MDGA2: variants seen among roughly 807,000 people sequenced by gnomAD.
MDGA2 encodes MAM domain containing glycosylphosphatidylinositol anchor 2, also known as MAM domain-containing glycosylphosphatidylinositol anchor protein 2.
Under a neutral mutation model 117.8 loss-of-function variants are expected in MDGA2, and 40 were observed. The ratio of observed to expected loss-of-function variants is 0.34; its 90% CI spans 0.26 to 0.44. MDGA2 has a LOEUF of 0.44. Ranked by LOEUF, MDGA2 falls within the 20% of genes least tolerant of loss-of-function variation. The probability of loss-of-function intolerance (pLI) is 1.00; values close to 1 mark genes in which losing one functional copy is unlikely to be tolerated. For missense variants in MDGA2, 1,123 were observed against 1,250.6 expected (o/e 0.90, Z 1.54); for synonymous variants, 452 against 439.0 (o/e 1.03, Z -0.37).
chr14:47,173,927 G>A (rs1884308003), intron 3 of MDGA2, among the ~76,000 whole-genome samples: 1 of 152,074 alleles, frequency 6.6e-6, no homozygotes, highest in African/African-American at 2.4e-5. Context: ...GACACACATA[G>A]GCTCAAAATA....
intron 1 of MDGA2, among the ~76,000 whole-genome samples, chr14:47,327,297 A>AGAC (rs1211783580): frequency 1.3e-5 from 2 of 152,222 alleles, no homozygotes; most frequent in African/African-American, 4.8e-5. Flanking sequence ...AAAGCCAGGT[A>AGAC]GACAGGGTTA....
chr14:47,279,661 A>ATTTT (rs1566717131), intron 2 of MDGA2, among the ~76,000 whole-genome samples: 23 of 151,742 alleles, frequency 1.5e-4, no homozygotes, highest in Non-Finnish European at 2.4e-4. Flanking sequence ...TTTTTTTTAA[A>ATTTT]AAAAAATCAT....
At chr14:47,197,481 C>A (rs10139891) in intron 3 of MDGA2, among the ~76,000 whole-genome samples, 36,716 of 151,800 alleles carry the variant, frequency 0.24, 5,321 homozygotes, top group African/African-American at 0.4. Flanking sequence ...CAGAACTGCA[C>A]GAAATAAATG....
At chr14:47,230,059 T>G (rs1886638468) in intron 2 of MDGA2, among the ~76,000 whole-genome samples, 1 of 152,006 alleles carries the variant, frequency 6.6e-6, no homozygotes, top group Admixed American at 6.6e-5. Context: ...ACCATTATTC[T>G]CAATCTTGTT....
intron 1 of MDGA2, among the ~76,000 whole-genome samples, chr14:47,627,742 A>G (rs981866982): frequency 1.3e-5 from 2 of 152,058 alleles, no homozygotes; most frequent in Admixed American, 1.3e-4. Context: ...GTCCCCTTCC[A>G]CATTGTGGAA....
chr14:47,547,877 G>A lies in MDGA2; in HGVS notation c.280+126640C>T, dbSNP rs187858634. Among the ~76,000 whole-genome samples the A allele has an allele frequency of 4.5e-3, 682 of 152,148 alleles. 2 individuals are homozygous for A. Among genetic ancestry groups the A allele is most frequent in the African/African-American group, 0.015 (643 of 41,502 alleles). On this transcript the variant is annotated intron_variant, in intron 1 of 16. Transcript: ENST00000399232. ...AGATGTGGTTGTTATTATTAAATAC[G>A]ATTAATCTAAAATCTTAACCATCTA...
At chr14:46,959,171 T>C (rs1175447537) in intron 8 of MDGA2, among the ~76,000 whole-genome samples, 1 of 152,068 alleles carries the variant, frequency 6.6e-6, no homozygotes, top group Non-Finnish European at 1.5e-5. Context: ...TATATGAATT[T>C]AGAATTGTTT....
chr14:46,992,121 C>T (rs1887114707), intron 8 of MDGA2, among the ~76,000 whole-genome samples: 1 of 152,088 alleles, frequency 6.6e-6, no homozygotes. Context: ...AGTTGAGGTA[C>T]ACAACACGAC....
At chr14:47,296,085 T>C (rs1889063230) in intron 2 of MDGA2, among the ~76,000 whole-genome samples, 1 of 152,080 alleles carries the variant, frequency 6.6e-6, no homozygotes, top group Non-Finnish European at 1.5e-5. Context: ...TTTGAAGCTG[T>C]GCAGTGGAAT....
intron 9 of MDGA2, among the ~76,000 whole-genome samples, chr14:46,921,820 C>A (rs1246817327): frequency 6.6e-6 from 1 of 152,104 alleles, no homozygotes; most frequent in Non-Finnish European, 1.5e-5. Flanking sequence ...CCAATACCTA[C>A]AAATTTACTA....
At chr14:47,521,174 T>G (rs1434956135) in intron 1 of MDGA2, among the ~76,000 whole-genome samples, 1 of 152,186 alleles carries the variant, frequency 6.6e-6, no homozygotes, top group Non-Finnish European at 1.5e-5. Context: ...TTCCAGAGCA[T>G]CTTAGTCATT....
At chr14:47,405,938 C>T (rs1338264583) in intron 1 of MDGA2, among the ~76,000 whole-genome samples, 1 of 152,054 alleles carries the variant, frequency 6.6e-6, no homozygotes, top group Non-Finnish European at 1.5e-5. Context: ...AATTGAAAAC[C>T]TTAAGGATTA....
intron 4 of MDGA2, among the ~76,000 whole-genome samples, chr14:47,133,130 C>CA (rs1201398229): frequency 1.1e-3 from 158 of 147,224 alleles, no homozygotes; most frequent in Non-Finnish European, 1.9e-3. Context: ...AACAAACAAA[C>CA]AAAAAAAAAC....
chr14:47,061,316 A>C lies in MDGA2; in HGVS notation c.1458T>G (p.Cys486Trp). Residue 486 changes from cysteine (C) to tryptophan (W), a missense_variant, in exon 7 of 17, where the codon TGT becomes TGG. Around this residue, in one of 2 missense-constraint regions of MDGA2, gnomAD observed 890 missense variants for 1,050.3 expected, o/e 0.85. Transcript: ENST00000399232. ...TTCCTCCTCCCTTCAGAGATGCTAC[A>C]CATGTGTACGTCCCAAAATCCGTGA... ...LKFTDFGTYT[C>W]VASLKGGGIS... is the part of the protein sequence containing the mutation. 6.2e-7 allele frequency: 1 copy of C among 1,613,600 alleles called. No individual in the cohort carries two copies. Among genetic ancestry groups the C allele is most frequent in the Non-Finnish European group, 8.5e-7 (1 of 1,179,642 alleles).
intron 1 of MDGA2, among the ~76,000 whole-genome samples, chr14:47,471,252 GT>G (rs35098377): frequency 5.4e-5 from 8 of 147,870 alleles, no homozygotes; most frequent in Admixed American, 4.8e-4. Flanking sequence ...TATTAATGGA[GT>G]TTTTTTTTTT....
intron 2 of MDGA2, among the ~76,000 whole-genome samples, chr14:47,238,284 T>G (rs1886929020): frequency 6.6e-6 from 1 of 152,200 alleles, no homozygotes; most frequent in Non-Finnish European, 1.5e-5. Context: ...GTATTACCTG[T>G]TTTTCCCTAA....
intron 6 of MDGA2, among the ~76,000 whole-genome samples, chr14:47,095,445 A>G (rs1055184181): frequency 2.6e-5 from 4 of 152,002 alleles, no homozygotes; most frequent in African/African-American, 9.7e-5. Context: ...ATAAAAAATT[A>G]AATTATTTTG....
intron 1 of MDGA2, among the ~76,000 whole-genome samples, chr14:47,568,951 GTCT>G (rs1449392875): frequency 1.3e-5 from 2 of 148,850 alleles, no homozygotes; most frequent in Admixed American, 6.6e-5. Context: ...TAAAATTAAT[GTCT>G]TTTTTTTTTT....
At chr14:47,066,268 A>G (rs866634165) in intron 6 of MDGA2, among the ~76,000 whole-genome samples, 1 of 152,162 alleles carries the variant, frequency 6.6e-6, no homozygotes, top group Non-Finnish European at 1.5e-5. Flanking sequence ...TTGGTACTTA[A>G]TACTCTTTAT....
Sources: allele counts gnomAD v4.1 joint callset (sites outside exome capture counted in the v4.1 genomes callset), GRCh38; gene constraint gnomAD v4.1.1; regional missense constraint gnomAD v4.1.1; transcripts MANE v1.5; gene names NCBI Gene and HGNC (gene_info 2026-07-23, HGNC 2026-07-21).